Variants in ALPK2 observed in about 807,000 individuals in gnomAD.
The protein encoded by ALPK2 is alpha-protein kinase 2.
Under a neutral mutation model 163.1 loss-of-function variants are expected in ALPK2, and 127 were observed. That is an observed-to-expected ratio of 0.78 (90% confidence interval 0.67 to 0.90). ALPK2 has a LOEUF of 0.90. ALPK2 is among the 40% of genes least tolerant of loss of function. The pLI, the probability that ALPK2 is intolerant of heterozygous loss-of-function variation, is 0.00. For synonymous variants in ALPK2, 953 were observed against 959.1 expected (o/e 0.99, Z 0.12); for missense variants, 2,360 against 2,589.6 (o/e 0.91, Z 1.92).
In ALPK2 at chr18:58,502,716, C is replaced by T. The variant is rs189544616; in HGVS notation, c.6247+1215G>A. ...CTGGTGCCTTACCTATTGCCCACAC[C>T]CCAACCACTTCTGTGCACCTGGCTC... On this transcript the variant is annotated intron_variant, in intron 11 of 12. Transcript: ENST00000361673. Among the ~76,000 whole-genome samples the T allele has an allele frequency of 2.6e-5, 4 of 152,358 alleles. 1 individual carries two copies. Among genetic ancestry groups the T allele is most frequent in the Admixed American group, 2.6e-4 (4 of 15,300 alleles).
chr18:58,538,173 C>T lies in ALPK2; in HGVS notation c.2014G>A (p.Ala672Thr). 1 of 1,613,430 alleles carries T rather than the reference C, an allele frequency of 6.2e-7. No individual in the cohort carries two copies. The highest frequency in any genetic ancestry group is 8.5e-7 in the Non-Finnish European group (1 of 1,180,014). ...RETISCSQMP[A>T]FSEPAGEESP... is the part of the protein sequence containing the mutation. The stretch of plus-strand genomic sequence containing the variant: ...TCCTCCCCAGCAGGCTCTGAGAAAG[C>T]TGGCATCTGGCTGCAAGAGATTGTC... The change falls in exon 5 of 13, where the codon GCT becomes ACT. Residue 672 changes from alanine (A) to threonine (T), a missense_variant. By Grantham distance (58) the Ala-to-Thr change is moderately conservative (BLOSUM62 0). Transcript: ENST00000361673.
At position 58,530,319 on chromosome 18, in the gene ALPK2, C is replaced by T. The variant is rs137882955; in HGVS notation, c.5354-1081G>A. On this transcript the variant is annotated intron_variant, in intron 5 of 12. Coordinates refer to ENST00000361673, the MANE Select transcript of ALPK2 (RefSeq NM_052947.4). ...GCAAATCTTTCAACCAGAGAGTAACCAAGACTGCTAACAGTATCCTGGGAG... is the reference window on the plus strand; with the variant it reads ...GCAAATCTTTCAACCAGAGAGTAACTAAGACTGCTAACAGTATCCTGGGAG... Among the ~76,000 whole-genome samples the T allele has an allele frequency of 2.5e-3, 385 of 152,200 alleles. 1 individual carries two copies. The highest frequency in any genetic ancestry group is 8.9e-3 in the African/African-American group (369 of 41,538).
chr18:58,585,292 A>G (rs1015576359), intron 3 of ALPK2, among the ~76,000 whole-genome samples: 2 of 152,360 alleles, frequency 1.3e-5, no homozygotes, highest in South Asian at 2.1e-4. Flanking sequence ...TATTTAGTTC[A>G]TTTTAAAATA....
Position 58,481,952 on chromosome 18 carries a change from C to T in ALPK2, c.6384G>A (p.Leu2128=). The T allele has an allele frequency of 6.2e-7, 1 of 1,614,134 alleles. No individual in the cohort carries two copies. The highest frequency in any genetic ancestry group is 1.3e-5 in the African/African-American group (1 of 75,032). The change falls in exon 13 of 13, where the codon CTG becomes CTA. Residue 2128 remains leucine, a synonymous_variant. Transcript: ENST00000361673. The part of the protein sequence containing the change: ...LHQCNKYCKM[L]GLKSLQNNNQ... ...TGTTGTTTTGAAGGGATTTCAGTCC[C>T]AGCATTTTGCAATACTTGTTACACT...
chr18:58,618,192 C>T (rs1010800487), intron 1 of ALPK2, among the ~76,000 whole-genome samples: 1 of 152,180 alleles, frequency 6.6e-6, no homozygotes, highest in African/African-American at 2.4e-5. Context: ...ATCACAGGCA[C>T]AAGCCACCAT....
intron 10 of ALPK2, among the ~76,000 whole-genome samples, chr18:58,513,587 C>T (rs1236929230): frequency 6.6e-6 from 1 of 152,146 alleles, no homozygotes; most frequent in African/African-American, 2.4e-5. Context: ...TTAAAAAGGA[C>T]CCAAATTTGC....
chr18:58,555,970 C>T (rs1268712177), intron 4 of ALPK2, among the ~76,000 whole-genome samples: 1 of 152,040 alleles, frequency 6.6e-6, no homozygotes, highest in African/African-American at 2.4e-5. Context: ...TACAGGCACC[C>T]GACACCACGC....
At chr18:58,543,000 T>C (rs75045295) in intron 4 of ALPK2, among the ~76,000 whole-genome samples, 12,219 of 152,254 alleles carry the variant, frequency 0.08, 637 homozygotes, top group Non-Finnish European at 0.12. Flanking sequence ...GATTGAATCA[T>C]GGGAGCTCTG....
chr18:58,624,605 C>A (rs1237498121), intron 1 of ALPK2, among the ~76,000 whole-genome samples: 1 of 152,162 alleles, frequency 6.6e-6, no homozygotes, highest in African/African-American at 2.4e-5. Context: ...CAGGCGTGTG[C>A]CAGCATGCCC....
chr18:58,573,282 G>A (rs1464876800), intron 4 of ALPK2, among the ~76,000 whole-genome samples: 2 of 145,384 alleles, frequency 1.4e-5, no homozygotes, highest in African/African-American at 2.6e-5. Flanking sequence ...ATGTATATAT[G>A]TGTATATATG....
chr18:58,488,203 A>G (rs1281735197), intron 12 of ALPK2, among the ~76,000 whole-genome samples: 19 of 152,176 alleles, frequency 1.2e-4, no homozygotes, highest in Admixed American at 1.2e-3. Context: ...AGAGGCAAAC[A>G]ATCTAATAAA....
At chr18:58,605,353 GTT>G (rs2052092627) in intron 3 of ALPK2, among the ~76,000 whole-genome samples, 1 of 152,172 alleles carries the variant, frequency 6.6e-6, no homozygotes, top group Admixed American at 6.5e-5. Flanking sequence ...TTAGAAAAAT[GTT>G]TGCTAACATT....
At chr18:58,611,002 G>A (rs1459959260) in intron 2 of ALPK2, among the ~76,000 whole-genome samples, 14 of 151,686 alleles carry the variant, frequency 9.2e-5, no homozygotes, top group Non-Finnish European at 1.9e-4. Context: ...GCTGAGGTGG[G>A]AGAATTGCTT....
At chr18:58,590,942 T>C (rs1460842654) in intron 3 of ALPK2, among the ~76,000 whole-genome samples, 1 of 152,152 alleles carries the variant, frequency 6.6e-6, no homozygotes, top group Admixed American at 6.5e-5. Flanking sequence ...AACACCCGGC[T>C]CCCATGACTG....
chr18:58,585,680 C>CTTTTTTTTTTTT (rs71173066), intron 3 of ALPK2, among the ~76,000 whole-genome samples: 1 of 77,636 alleles, frequency 1.3e-5, no homozygotes, highest in African/African-American at 4.9e-5. Context: ...TTCTATGTTG[C>CTTTTTTTTTTTT]TTTTTTTTTT....
chr18:58,620,044 A>G (rs2052190155), intron 1 of ALPK2, among the ~76,000 whole-genome samples: 1 of 152,206 alleles, frequency 6.6e-6, no homozygotes, highest in Admixed American at 6.5e-5. Flanking sequence ...TTATCCCAGC[A>G]CTTTGGGAGG....
chr18:58,611,179 G>A lies in ALPK2; in HGVS notation c.109+510C>T, dbSNP rs904433143. Reference sequence around the variant, plus strand: ...TCTATTCCCAGCTACTCGGGAGGCTGAGGCAGGAGAATAGTTTGAACCCAG... The same window carrying A: ...TCTATTCCCAGCTACTCGGGAGGCTAAGGCAGGAGAATAGTTTGAACCCAG... On this transcript the variant is annotated intron_variant, in intron 2 of 12. Coordinates refer to ENST00000361673, the MANE Select transcript of ALPK2 (RefSeq NM_052947.4). Among the ~76,000 whole-genome samples, 5 of 151,898 alleles carry A rather than the reference G, an allele frequency of 3.3e-5. No individual in the cohort carries two copies. In the East Asian group the frequency reaches 7.7e-4, roughly 23 times the overall value.
chr18:58,562,078 T>C (rs551681007), intron 4 of ALPK2, among the ~76,000 whole-genome samples: 110 of 152,218 alleles, frequency 7.2e-4, no homozygotes, highest in African/African-American at 2.6e-3. Context: ...GGAGCTTGAG[T>C]TCCAGTTTTG....
intron 6 of ALPK2, 130 bp from the exon 7 acceptor site, chr18:58,524,192 G>T: frequency 8.1e-7 from 1 of 1,237,412 alleles, no homozygotes; most frequent in Non-Finnish European, 1.1e-6. Context: ...TGCCCAAAGG[G>T]CAAAATCACG....
Sources: gnomAD v4.1 joint callset for allele counts (sites outside exome capture counted in the v4.1 genomes callset) on GRCh38, gnomAD v4.1.1 for gene constraint, MANE v1.5 for transcripts, NCBI Gene and HGNC (gene_info 2026-07-23, HGNC 2026-07-21) for gene names.